The following UNC13C variants were observed in gnomAD, a reference collection of about 807,000 sequenced individuals.
UNC13C encodes the protein protein unc-13 homolog C.
In UNC13C, 174 loss-of-function variants were observed where a neutral mutation model predicts 245.4. The observed-to-expected ratio is 0.71, with a 90% CI of 0.63 to 0.80. The LOEUF is 0.80. UNC13C is among the 30% of genes least tolerant of loss of function. The pLI, the probability that UNC13C is intolerant of heterozygous loss-of-function variation, is 0.00. For synonymous variants in UNC13C, 992 were observed against 895.1 expected (o/e 1.11, Z -1.93); for missense variants, 2,829 against 2,602.9 (o/e 1.09, Z -1.89).
chr15:54,347,321 T>A (rs540877185), intron 17 of UNC13C, among the ~76,000 whole-genome samples: 3 of 152,168 alleles, frequency 2.0e-5, no homozygotes, highest in Non-Finnish European at 4.4e-5. Context: ...TACCCTGAGA[T>A]CAAAACTTGT....
chr15:54,095,503 C>T (rs1318326315), intron 2 of UNC13C, among the ~76,000 whole-genome samples: 5 of 152,178 alleles, frequency 3.3e-5, no homozygotes, highest in African/African-American at 1.2e-4. Context: ...CACTTTGCAG[C>T]ATGAAAATAG....
rs150344007 is a variant in UNC13C at position 54,495,201 on chromosome 15, A to G, written c.5060+467A>G. On this transcript the variant is annotated intron_variant, in intron 20 of 32. Transcript: ENST00000260323. ...TCTTTCAAACACATTTTAATCACAC[A>G]AGGACTCATGTAATAATTTGCATTT... Among the ~76,000 whole-genome samples, 38 of 152,166 alleles carry G rather than the reference A, an allele frequency of 2.5e-4. No individual in the cohort carries two copies. In the East Asian group the frequency reaches 7.1e-3, roughly 29 times the overall value.
intron 19 of UNC13C, among the ~76,000 whole-genome samples, chr15:54,452,122 T>G (rs1891215089): frequency 6.6e-6 from 1 of 152,216 alleles, no homozygotes; most frequent in African/African-American, 2.4e-5. Flanking sequence ...GATGGAGGCA[T>G]CACCTGGGTG....
chr15:54,546,677 G>A (rs753509130), intron 26 of UNC13C, 45 bp from the exon 27 acceptor site: 24 of 1,247,252 alleles, frequency 1.9e-5, no homozygotes, highest in Non-Finnish European at 2.6e-5. Context: ...TTGATACCTT[G>A]ATCTGAAATT....
chr15:54,234,757 A>G (rs2035644474), intron 4 of UNC13C, among the ~76,000 whole-genome samples: 1 of 152,220 alleles, frequency 6.6e-6, no homozygotes, highest in African/African-American at 2.4e-5. Context: ...CCTCTGTGAT[A>G]CTAACAGGAA....
At chr15:54,151,023 C>T (rs2141250058) in intron 4 of UNC13C, among the ~76,000 whole-genome samples, 1 of 152,244 alleles carries the variant, frequency 6.6e-6, no homozygotes, top group South Asian at 2.1e-4. Flanking sequence ...TGTAGATTGG[C>T]ACCTTTTTGA....
intron 2 of UNC13C, among the ~76,000 whole-genome samples, chr15:54,043,405 G>A (rs1896897041): frequency 6.6e-6 from 1 of 152,212 alleles, no homozygotes; most frequent in African/African-American, 2.4e-5. Flanking sequence ...TTGAAGCCCA[G>A]TCAAAGTTTC....
rs1287186514 is a variant in UNC13C at position 54,623,952 on chromosome 15, G to A, written c.6357G>A (p.Gln2119=). Residue 2119 remains glutamine (Q), a splice_region_variant and synonymous_variant, in exon 32 of 33, where the codon CAG becomes CAA. Coordinates refer to ENST00000260323, the MANE Select transcript of UNC13C (RefSeq NM_001080534.3). ...CACCAAAGTACAATGAAACATTTCA[G>A]TTGTAAGTCATAAACCCACCTTACT... ...TWSPKYNETF[Q]FILGKENRPG... 1.2e-6 allele frequency: 2 copies of A among 1,612,960 alleles called. No homozygotes were observed. Among genetic ancestry groups the A allele is most frequent in the East Asian group, 2.2e-5 (1 of 44,840 alleles).
chr15:54,072,360 G>T lies in UNC13C; in HGVS notation c.2983+56474G>T, dbSNP rs549296054. 2.0e-3 allele frequency among the ~76,000 whole-genome samples: 302 copies of T among 152,234 alleles called. 1 individual carries two copies. The highest frequency in any genetic ancestry group is 7.1e-3 in the African/African-American group (293 of 41,524). Reference sequence around the variant, plus strand: ...CTTAGTGTATCTATAGATAAAATTGGTAATAAACCCAAATCCAGGGCAACT... The same window carrying T: ...CTTAGTGTATCTATAGATAAAATTGTTAATAAACCCAAATCCAGGGCAACT... On this transcript the variant is annotated intron_variant, in intron 2 of 32. Transcript: ENST00000260323.
intron 29 of UNC13C, among the ~76,000 whole-genome samples, chr15:54,556,061 G>A (rs973913628): frequency 1.3e-5 from 2 of 152,048 alleles, no homozygotes; most frequent in African/African-American, 2.4e-5. Context: ...AGTTATTGTA[G>A]TGTATGCTAA....
intron 2 of UNC13C, among the ~76,000 whole-genome samples, chr15:54,087,997 T>G (rs1899338885): frequency 6.6e-6 from 1 of 152,046 alleles, no homozygotes; most frequent in Non-Finnish European, 1.5e-5. Flanking sequence ...TTTACTTACA[T>G]TTGTCTGTTC....
intron 30 of UNC13C, among the ~76,000 whole-genome samples, chr15:54,594,393 T>C (rs1349824190): frequency 1.3e-5 from 2 of 150,832 alleles, no homozygotes; most frequent in African/African-American, 4.9e-5. Context: ...ACTCCCAAGA[T>C]TGTACTCCCT....
intron 17 of UNC13C, among the ~76,000 whole-genome samples, chr15:54,343,138 C>CT (rs746795837): frequency 0.038 from 5,531 of 144,902 alleles, 294 homozygotes; most frequent in African/African-American, 0.12. Flanking sequence ...CCATGCATAA[C>CT]TTTTTTTTTT....
At chr15:54,510,949 A>G (rs1489650047) in intron 23 of UNC13C, among the ~76,000 whole-genome samples, 1 of 152,158 alleles carries the variant, frequency 6.6e-6, no homozygotes, top group Non-Finnish European at 1.5e-5. Context: ...ACCTGTCACA[A>G]AGCTTTACAT....
Position 54,294,046 on chromosome 15 carries a change from G to C in UNC13C, c.3970G>C (p.Asp1324His). ...VEVRTLSGEM[D>H]VWYNLEKRTD... ...AGTGAGGACCTTGAGTGGAGAAATG[G>C]ATGTCTGGTACAACTTAGGTGATTT... The change falls in exon 11 of 33, where the codon GAT (aspartate) becomes CAT (histidine). Residue 1324 changes from aspartate (D) to histidine (H), a missense_variant. Asp to His is a moderately conservative substitution (Grantham distance 81, BLOSUM62 -1). Transcript: ENST00000260323. The C allele has an allele frequency of 1.3e-6, 2 of 1,559,100 alleles. No homozygotes were observed. Among genetic ancestry groups the C allele is most frequent in the Non-Finnish European group, 1.7e-6 (2 of 1,158,988 alleles).
At chr15:54,424,833 G>A (rs1356700627) in intron 19 of UNC13C, among the ~76,000 whole-genome samples, 2 of 151,804 alleles carry the variant, frequency 1.3e-5, no homozygotes, top group Non-Finnish European at 2.9e-5. Context: ...AGCACATCTT[G>A]GAGAGAAAAC....
intron 17 of UNC13C, among the ~76,000 whole-genome samples, chr15:54,378,982 T>A (rs946354002): frequency 1.3e-5 from 2 of 152,086 alleles, no homozygotes; most frequent in Non-Finnish European, 2.9e-5. Context: ...GAAAGGACCC[T>A]GTAAAGACTA....
intron 17 of UNC13C, among the ~76,000 whole-genome samples, chr15:54,358,952 G>A (rs896404554): frequency 6.6e-6 from 1 of 151,866 alleles, no homozygotes; most frequent in Non-Finnish European, 1.5e-5. Context: ...GCTGTGGTTT[G>A]TCATATATGG....
At chr15:54,243,996 T>C (rs190732757) in intron 7 of UNC13C, among the ~76,000 whole-genome samples, 16 of 152,326 alleles carry the variant, frequency 1.1e-4, no homozygotes, top group Non-Finnish European at 1.8e-4. Context: ...ATCCCATTTG[T>C]CAATTTCTGC....
Sources: allele counts gnomAD v4.1 joint callset (sites outside exome capture counted in the v4.1 genomes callset), GRCh38; gene constraint gnomAD v4.1.1; transcripts MANE v1.5; gene names NCBI Gene and HGNC (gene_info 2026-07-23, HGNC 2026-07-21).